Variants in CAMK2D observed in about 807,000 individuals in gnomAD.
CAMK2D encodes calcium/calmodulin-dependent protein kinase type II subunit delta.
Under a neutral mutation model 84.0 loss-of-function variants are expected in CAMK2D, and 37 were observed. The ratio of observed to expected loss-of-function variants is 0.44; its 90% CI spans 0.34 to 0.58. The LOEUF is 0.58. CAMK2D is among the 20% of genes least tolerant of loss of function. The pLI is 0.02. For synonymous variants in CAMK2D, 202 were observed against 212.5 expected, an observed-to-expected ratio of 0.95 and a Z score of 0.43; for missense variants, 448 against 652.5, an observed-to-expected ratio of 0.69 and a Z score of 3.41.
rs556294074 is a variant in CAMK2D at position 113,521,064 on chromosome 4, G to A, written c.602-3407C>T. ...AATGATGATACTCTAATTATATCAT[G>A]CTTTCTTTAGACTAAGAAAATCTTG... On this transcript the variant is annotated intron_variant, in intron 8 of 20. Transcript: ENST00000511664. Among the ~76,000 whole-genome samples the A allele has an allele frequency of 9.9e-5, 15 of 152,214 alleles. No homozygotes were observed. The South Asian group carries it at 3.1e-3, about 32-fold the overall frequency.
rs114027690 is a variant in CAMK2D at position 113,631,280 on chromosome 4, A to C, written c.221-22074T>G. ...GTAATCCTAGCACCTTTGGAGGCCAAGGCAGGAGGACCACTTGAGCCCAGG... is the reference window on the plus strand; with the variant it reads ...GTAATCCTAGCACCTTTGGAGGCCACGGCAGGAGGACCACTTGAGCCCAGG... On this transcript the variant is annotated intron_variant, in intron 3 of 20. Transcript: ENST00000511664. Among the ~76,000 whole-genome samples, 1,013 of 152,326 alleles carry C rather than the reference A, an allele frequency of 6.7e-3. 12 individuals carry two copies. Among genetic ancestry groups the C allele is most frequent in the African/African-American group, 0.023 (966 of 41,584 alleles).
intron 2 of CAMK2D, among the ~76,000 whole-genome samples, chr4:113,705,216 A>T (rs772280679): frequency 2.7e-5 from 4 of 149,926 alleles, no homozygotes; most frequent in Non-Finnish European, 5.9e-5. Flanking sequence ...AGTCCTAGCT[A>T]CTCTGGAGGC....
intron 2 of CAMK2D, among the ~76,000 whole-genome samples, chr4:113,692,443 T>G (rs2099389588): frequency 6.6e-6 from 1 of 152,140 alleles, no homozygotes; most frequent in Non-Finnish European, 1.5e-5. Context: ...CACAAAATAT[T>G]TGGGAATAGG....
At chr4:113,533,966 C>T (rs1431581858) in intron 7 of CAMK2D, among the ~76,000 whole-genome samples, 1 of 151,220 alleles carries the variant, frequency 6.6e-6, no homozygotes, top group Non-Finnish European at 1.5e-5. Flanking sequence ...GTTTCGTATA[C>T]ATACTATGTT....
chr4:113,533,492 C>A (rs545859559), intron 7 of CAMK2D, among the ~76,000 whole-genome samples: 6 of 151,732 alleles, frequency 4.0e-5, no homozygotes, highest in Admixed American at 3.9e-4. Context: ...TTTGAAAAAC[C>A]AATAAGAAAA....
At chr4:113,602,496 A>G (rs1460330225) in intron 4 of CAMK2D, among the ~76,000 whole-genome samples, 1 of 152,226 alleles carries the variant, frequency 6.6e-6, no homozygotes, top group Non-Finnish European at 1.5e-5. Flanking sequence ...TCTCCAGGGA[A>G]GGCAGAAGTT....
chr4:113,663,821 A>G (rs2099246820), intron 2 of CAMK2D, among the ~76,000 whole-genome samples: 1 of 150,248 alleles, frequency 6.7e-6, no homozygotes, highest in South Asian at 2.1e-4. Flanking sequence ...TTTGCTATAG[A>G]GATAAACATA....
intron 2 of CAMK2D, among the ~76,000 whole-genome samples, chr4:113,673,750 G>A (rs2154328400): frequency 6.6e-6 from 1 of 152,316 alleles, no homozygotes; most frequent in African/African-American, 2.4e-5. Context: ...ACACCCCCTG[G>A]TGCAAGGAGG....
intron 3 of CAMK2D, among the ~76,000 whole-genome samples, chr4:113,648,993 T>C (rs1057506773): frequency 6.6e-6 from 1 of 152,230 alleles, no homozygotes; most frequent in Non-Finnish European, 1.5e-5. Flanking sequence ...TGTTGCCTAT[T>C]GTCAGTTAAA....
At chr4:113,544,195 C>T (rs1250857164) in intron 6 of CAMK2D, among the ~76,000 whole-genome samples, 5 of 152,112 alleles carry the variant, frequency 3.3e-5, no homozygotes, top group Non-Finnish European at 5.9e-5. Flanking sequence ...CACCTGTCTA[C>T]TACCAGATTG....
intron 2 of CAMK2D, among the ~76,000 whole-genome samples, chr4:113,742,710 A>G (rs1416278755): frequency 1.3e-5 from 2 of 152,150 alleles, no homozygotes; most frequent in Non-Finnish European, 2.9e-5. Flanking sequence ...AAAAGCCCCA[A>G]TCGTCACAGT....
intron 8 of CAMK2D, among the ~76,000 whole-genome samples, chr4:113,525,230 T>A (rs758623394): frequency 2.0e-5 from 3 of 152,136 alleles, no homozygotes; most frequent in Non-Finnish European, 4.4e-5. Context: ...TCATAACTGT[T>A]GAGAGTGATA....
intron 3 of CAMK2D, among the ~76,000 whole-genome samples, chr4:113,654,538 T>C (rs916588607): frequency 5.3e-5 from 8 of 152,014 alleles, no homozygotes; most frequent in African/African-American, 1.9e-4. Flanking sequence ...TTTTAGTTAA[T>C]GTTTATCTTA....
At chr4:113,672,143 CTTCT>C (rs2099290281) in intron 2 of CAMK2D, among the ~76,000 whole-genome samples, 2 of 152,050 alleles carry the variant, frequency 1.3e-5, no homozygotes, top group African/African-American at 2.4e-5. Flanking sequence ...TATTAACTTT[CTTCT>C]TTAAGTGAAT....
chr4:113,524,989 C>A (rs1265148365), intron 8 of CAMK2D, among the ~76,000 whole-genome samples: 1 of 152,118 alleles, frequency 6.6e-6, no homozygotes, highest in Non-Finnish European at 1.5e-5. Context: ...GTAAGGTAAC[C>A]TCAGAACTGG....
At chr4:113,489,526 T>G (rs2097801250) in intron 16 of CAMK2D, among the ~76,000 whole-genome samples, 1 of 151,604 alleles carries the variant, frequency 6.6e-6, no homozygotes, top group Non-Finnish European at 1.5e-5. Flanking sequence ...CACATTTTCT[T>G]AATCCAGTCT....
chr4:113,747,992 A>G (rs2099608507), intron 2 of CAMK2D, among the ~76,000 whole-genome samples: 1 of 151,996 alleles, frequency 6.6e-6, no homozygotes, highest in African/African-American at 2.4e-5. Flanking sequence ...TCTCGTGAGT[A>G]TTTTTTCAAC....
intron 14 of CAMK2D, among the ~76,000 whole-genome samples, chr4:113,504,047 A>G (rs2098093422): frequency 6.6e-6 from 1 of 152,170 alleles, no homozygotes; most frequent in East Asian, 1.9e-4. Context: ...ATAACCTGTT[A>G]TTTTGATGTG....
At chr4:113,480,192 A>C (rs559684390) in intron 16 of CAMK2D, among the ~76,000 whole-genome samples, 1 of 152,120 alleles carries the variant, frequency 6.6e-6, no homozygotes, top group South Asian at 2.1e-4. Context: ...CGAACTCCTG[A>C]GTTCAGGTAA....
Sources: allele counts gnomAD v4.1 joint callset (sites outside exome capture counted in the v4.1 genomes callset), GRCh38; gene constraint gnomAD v4.1.1; transcripts MANE v1.5; gene names NCBI Gene and HGNC (gene_info 2026-07-23, HGNC 2026-07-21).